Variants in SH3PXD2A observed in about 807,000 individuals in gnomAD.
SH3PXD2A encodes SH3 and PX domains 2A, also known as SH3 and PX domain-containing protein 2A.
A neutral mutation model predicts 115.2 loss-of-function variants in SH3PXD2A; 32 were observed. That is an observed-to-expected ratio of 0.28 (90% confidence interval 0.21 to 0.37). The LOEUF (loss-of-function observed/expected upper bound fraction) is 0.37. Among genes scored for constraint, SH3PXD2A ranks in the 10% least tolerant of loss-of-function variants. SH3PXD2A has a pLI of 1.00. For missense variants in SH3PXD2A, 1,328 were observed against 1,498.7 expected (o/e 0.89, Z 1.88); for synonymous variants, 610 against 629.1 (o/e 0.97, Z 0.45).
rs148840912 is a variant in SH3PXD2A at position 103,715,817 on chromosome 10, C to T, written c.398+8453G>A. Among the ~76,000 whole-genome samples, 193 of 152,340 alleles carry T rather than the reference C, an allele frequency of 1.3e-3. 2 individuals carry two copies. Among genetic ancestry groups the T allele is most frequent in the African/African-American group, 4.5e-3 (189 of 41,580 alleles). ...TCCTGGAGGAGACACCCCACATTCT[C>T]AGTGCTATTCCAGCTGCACTGCCAC... On this transcript the variant is annotated intron_variant, in intron 5 of 14. Transcript: ENST00000369774.
At chr10:103,606,032 G>T in intron 13 of SH3PXD2A, 115 bp from the exon 14 acceptor site, 1 of 1,047,436 alleles carries the variant, frequency 9.5e-7, no homozygotes, top group Non-Finnish European at 1.4e-6. Context: ...TACACCAGCT[G>T]GACAGCAGCT....
At chr10:103,745,897 A>G (rs2038497127) in intron 3 of SH3PXD2A, 1 of 152,212 alleles carries the variant, frequency 6.6e-6, no homozygotes. Flanking sequence ...GGGGCATTCT[A>G]GGGTGACTCA....
intron 6 of SH3PXD2A, among the ~76,000 whole-genome samples, chr10:103,676,186 C>G (rs2037531291): frequency 6.6e-6 from 1 of 152,224 alleles, no homozygotes; most frequent in Non-Finnish European, 1.5e-5. Flanking sequence ...CCTCCCTGGC[C>G]ACTGGCCAAG....
chr10:103,685,376 C>G (rs954762306), intron 6 of SH3PXD2A, among the ~76,000 whole-genome samples: 5 of 146,286 alleles, frequency 3.4e-5, no homozygotes, highest in Non-Finnish European at 7.5e-5. Flanking sequence ...AATCCTGTGT[C>G]TGGCTGACCT....
intron 3 of SH3PXD2A, among the ~76,000 whole-genome samples, chr10:103,762,831 C>T (rs2038714993): frequency 6.6e-6 from 1 of 152,076 alleles, no homozygotes; most frequent in South Asian, 2.1e-4. Context: ...AATGTCAGCC[C>T]CTGGGTCAGC....
chr10:103,758,799 C>T (rs1341195946), intron 3 of SH3PXD2A, among the ~76,000 whole-genome samples: 2 of 152,318 alleles, frequency 1.3e-5, no homozygotes, highest in East Asian at 3.9e-4. Context: ...GCCTCTCAGG[C>T]CTATAATCTT....
intron 13 of SH3PXD2A, among the ~76,000 whole-genome samples, chr10:103,610,473 G>T (rs1464091445): frequency 6.6e-6 from 1 of 152,354 alleles, no homozygotes; most frequent in East Asian, 1.9e-4. Flanking sequence ...GGAGGAAAAA[G>T]AGAAACTCCA....
intron 13 of SH3PXD2A, among the ~76,000 whole-genome samples, chr10:103,608,241 T>A (rs1592259846): frequency 7.5e-6 from 1 of 132,606 alleles, no homozygotes; most frequent in South Asian, 2.5e-4. Context: ...GCTTCCGGAG[T>A]CCCGGAAGCC....
rs1394256077 is a variant in SH3PXD2A, at chr10:103,603,553, C to T, written c.1665G>A (p.Glu555=). The T allele has an allele frequency of 6.2e-7, 1 of 1,612,540 alleles. No individual in the cohort carries two copies. Among genetic ancestry groups the T allele is most frequent in the Non-Finnish European group, 8.5e-7 (1 of 1,179,242 alleles). Residue 555 remains glutamate, a synonymous_variant, in exon 15 of 15, where the codon GAG becomes GAA. Coordinates refer to ENST00000369774, the MANE Select transcript of SH3PXD2A (RefSeq NM_001394015.1). The part of the protein sequence containing the change: ...QDSPRKLKYE[E]PEYDIPAFGF... ...CGAATGCAGGGATGTCATACTCAGG[C>T]TCCTCATACTTGAGCTTCCGCGGGG...
chr10:103,661,164 G>C (rs983744583), intron 7 of SH3PXD2A, 50 bp from the exon 8 acceptor site: 2 of 1,591,588 alleles, frequency 1.3e-6, no homozygotes, highest in South Asian at 2.3e-5. Flanking sequence ...CCATGGCCCC[G>C]CGGCCAGGGC....
At chr10:103,734,218 T>A (rs1320769314) in intron 4 of SH3PXD2A, among the ~76,000 whole-genome samples, 1 of 152,202 alleles carries the variant, frequency 6.6e-6, no homozygotes, top group African/African-American at 2.4e-5. Flanking sequence ...TGAAATTTTA[T>A]ACCTTATTTG....
chr10:103,798,567 A>G (rs1471863285), intron 2 of SH3PXD2A, among the ~76,000 whole-genome samples: 1 of 152,212 alleles, frequency 6.6e-6, no homozygotes, highest in African/African-American at 2.4e-5. Flanking sequence ...GAGGGCTTCC[A>G]TCAGATTCAC....
At chr10:103,799,829 A>G (rs74617796) in intron 2 of SH3PXD2A, among the ~76,000 whole-genome samples, 8,157 of 152,248 alleles carry the variant, frequency 0.054, 610 homozygotes, top group East Asian at 0.28. Context: ...TGAATTGAGG[A>G]GGGAAGAGGA....
intron 6 of SH3PXD2A, among the ~76,000 whole-genome samples, chr10:103,674,889 A>G (rs2037512450): frequency 1.3e-5 from 2 of 152,186 alleles, no homozygotes. Flanking sequence ...AACAAACACC[A>G]ATTAAGATGA....
chr10:103,844,152 C>G (rs1022279259), intron 1 of SH3PXD2A, among the ~76,000 whole-genome samples: 3 of 152,228 alleles, frequency 2.0e-5, no homozygotes, highest in African/African-American at 7.2e-5. Flanking sequence ...GTTTGCCAGC[C>G]CACTGAGGCT....
intron 1 of SH3PXD2A, among the ~76,000 whole-genome samples, chr10:103,814,342 A>T (rs2039301810): frequency 6.6e-6 from 1 of 152,354 alleles, no homozygotes; most frequent in East Asian, 1.9e-4. Context: ...TGAGAGAATT[A>T]GAAGCACTCA....
chr10:103,815,484 T>C (rs375189333), intron 1 of SH3PXD2A, among the ~76,000 whole-genome samples: 2 of 148,880 alleles, frequency 1.3e-5, no homozygotes, highest in African/African-American at 4.9e-5. Flanking sequence ...ATATATAATA[T>C]ACACACACAC....
intron 5 of SH3PXD2A, among the ~76,000 whole-genome samples, chr10:103,699,851 T>C (rs1255001896): frequency 2.0e-5 from 3 of 152,294 alleles, no homozygotes; most frequent in East Asian, 1.9e-4. Flanking sequence ...ATGGACCCCA[T>C]TGTGACCATG....
chr10:103,745,968 A>T (rs991525284), intron 3 of SH3PXD2A: 1 of 152,286 alleles, frequency 6.6e-6, no homozygotes, highest in Non-Finnish European at 1.5e-5. Context: ...CCAGGGAAAC[A>T]CACTTGCAAA....
Sources: gnomAD v4.1 joint callset for allele counts (sites outside exome capture counted in the v4.1 genomes callset) on GRCh38, gnomAD v4.1.1 for gene constraint, MANE v1.5 for transcripts, NCBI Gene and HGNC (gene_info 2026-07-23, HGNC 2026-07-21) for gene names.